The following GRIN2C variants were observed in gnomAD, a reference collection of about 807,000 sequenced individuals.
GRIN2C encodes the protein glutamate receptor ionotropic, NMDA 2C.
In GRIN2C, 64 loss-of-function variants were observed where a neutral mutation model predicts 77.7. The ratio of observed to expected loss-of-function variants is 0.82; its 90% CI spans 0.67 to 1.01. GRIN2C has a LOEUF of 1.01. Among genes scored for constraint, GRIN2C ranks in the 50% least tolerant of loss-of-function variants. GRIN2C has a pLI of 0.00. For synonymous variants in GRIN2C, 792 were observed against 643.4 expected (o/e 1.23, Z -3.49); for missense variants, 1,549 against 1,486.0 (o/e 1.04, Z -0.70).
Position 74,859,057 on chromosome 17 carries a change from C to T in GRIN2C, c.-16+687G>A, listed in dbSNP as rs1035346100. 3.3e-5 allele frequency among the ~76,000 whole-genome samples: 5 copies of T among 152,128 alleles called. No homozygotes were observed. Among genetic ancestry groups the T allele is most frequent in the African/African-American group, 1.2e-4 (5 of 41,430 alleles). On this transcript the variant is annotated intron_variant, in intron 1 of 12. Coordinates refer to ENST00000293190, the MANE Select transcript of GRIN2C (RefSeq NM_000835.6). The surrounding 1 kb of genome is among the most constrained non-coding windows in gnomAD (Gnocchi z 5.9). ...GGGGAGCTCTGTGTAGTGGTCCCCT[C>T]CACCCCTCCATTCTGCCCTGCGGCA...
rs1434062378 is a variant in GRIN2C, at chr17:74,859,674, GCGGA to G, written c.-16+66_-16+69del. On this transcript the variant is annotated intron_variant, in intron 1 of 12. Coordinates refer to ENST00000293190, the MANE Select transcript of GRIN2C (RefSeq NM_000835.6). The surrounding 1 kb of genome is among the most constrained non-coding windows in gnomAD (Gnocchi z 5.9). ...CTCCAAGGCTACGGCCCCCGTCTCC[GCGGA>G]CCCCGCCCGGACTCCCCCTGGCCAC... 6.6e-6 allele frequency: 1 copy of G among 152,176 alleles called. No homozygotes were observed. Among genetic ancestry groups the G allele is most frequent in the Admixed American group, 6.5e-5 (1 of 15,276 alleles). The allele number at this position is 152,176 out of a possible 1,614,324, so 9.4% of individuals were successfully genotyped here. A position where few individuals can be genotyped will look rare whatever the true frequency, so the allele number is the denominator to read the frequency against.
In GRIN2C at chr17:74,846,129, T is replaced by C. The variant is rs750029742; in HGVS notation, c.2287A>G (p.Met763Val). 2 of 1,614,202 alleles carry C rather than the reference T, an allele frequency of 1.2e-6. No homozygotes were observed. The highest frequency in any genetic ancestry group is 2.2e-5 in the South Asian group (2 of 91,082). Residue 763 changes from methionine to valine, a missense_variant, in exon 11 of 13, where the codon ATG becomes GTG. Physicochemically the swap from Met to Val is conservative, Grantham distance 21. Transcript: ENST00000293190. This position sits in a 1 kb window ranked among gnomAD's most constrained non-coding sequence, Gnocchi z 4.4. ...VFATTGYGIA[M>V]QKDSHWKRAI... ...CGCTTCCAGTGGGAGTCCTTCTGCA[T>C]GGCGATGCCGTAGCCAGTGGTAGCA...
In GRIN2C at chr17:74,851,597, G is replaced by A. The variant is rs756143433; in HGVS notation, c.1093C>T (p.Arg365Trp). Residue 365 changes from arginine to tryptophan, a missense_variant, in exon 4 of 13, where the codon CGG (arginine) becomes TGG (tryptophan). By Grantham distance (101) the Arg-to-Trp change is moderately radical. Coordinates refer to ENST00000293190, the MANE Select transcript of GRIN2C (RefSeq NM_000835.6). Reference sequence around the variant, plus strand: ...CTCACCATCTCCCAGAGGCGGTGCCGGTTGAGGGCGATCACCACCATGGTG... The same window carrying A: ...CTCACCATCTCCCAGAGGCGGTGCCAGTTGAGGGCGATCACCACCATGGTG... ...QPTMVVIALN[R>W]HRLWEMVGRW... is the part of the protein sequence containing the mutation. The A allele has an allele frequency of 1.1e-5, 17 of 1,559,596 alleles. No individual in the cohort carries two copies. Among genetic ancestry groups the A allele is most frequent in the Admixed American group, 7.6e-5 (4 of 52,514 alleles).
In GRIN2C at chr17:74,842,557, G is replaced by A; in HGVS notation, c.3580C>T (p.Leu1194=). Residue 1194 remains leucine, a synonymous_variant, in exon 13 of 13, where the codon CTG becomes TTG. Transcript: ENST00000293190. ...CCACTGTCTCTGTAGCCTGTGCCCA[G>A]CCCCAGAGTCCTGCCCCTGTGCCCC... ...PLGHRGRTLG[L]GTGYRDSGGL... is the part of the protein sequence containing the mutation. 3 of 774,464 alleles carry A rather than the reference G, an allele frequency of 3.9e-6. No homozygotes were observed. The highest frequency in any genetic ancestry group is 7.2e-6 in the Non-Finnish European group (3 of 417,130). 48.0% of individuals were successfully genotyped at this position (774,464 alleles called of 1,614,324 possible). A position where few individuals can be genotyped will look rare whatever the true frequency, so the allele number is the denominator to read the frequency against.
rs2037565596 is a variant in GRIN2C, at chr17:74,849,530, C to T, written c.1645+250G>A. On this transcript the variant is annotated intron_variant, in intron 7 of 12. Coordinates refer to ENST00000293190, the MANE Select transcript of GRIN2C (RefSeq NM_000835.6). This position sits in a 1 kb window ranked among gnomAD's most constrained non-coding sequence, Gnocchi z 4.6. ...GCCTGCCTGCTGGATTTTCCTGCCA[C>T]TCACAGTGGCACCACGACCCATCCC... Among the ~76,000 whole-genome samples, 1 of 152,228 alleles carries T rather than the reference C, an allele frequency of 6.6e-6. No homozygotes were observed. Among genetic ancestry groups the T allele is most frequent in the African/African-American group, 2.4e-5 (1 of 41,458 alleles).
chr17:74,843,520 G>C lies in GRIN2C; in HGVS notation c.2617C>G (p.Leu873Val). 1 of 1,533,414 alleles carries C rather than the reference G, an allele frequency of 6.5e-7. No individual in the cohort carries two copies. The highest frequency in any genetic ancestry group is 8.7e-7 in the Non-Finnish European group (1 of 1,146,464). 95.0% of individuals were successfully genotyped at this position (1,533,414 alleles called of 1,614,324 possible). Residue 873 changes from leucine (L) to valine (V), a missense_variant, in exon 13 of 13, where the codon CTC becomes GTC. Coordinates refer to ENST00000293190, the MANE Select transcript of GRIN2C (RefSeq NM_000835.6). ...IYSCFSGVQSLASPPRQASPD... is the reference protein window; with the variant it reads ...IYSCFSGVQSVASPPRQASPD... ...CTGGCCTGCCGCGGTGGGCTGGCGA[G>C]GCTCTGCACCCCGCTGAAGCAGCTG... is the stretch of plus-strand genomic sequence containing the variant.
At chr17:74,855,686 C>G (rs1280092084) in intron 1 of GRIN2C, among the ~76,000 whole-genome samples, 1 of 152,192 alleles carries the variant, frequency 6.6e-6, no homozygotes, top group African/African-American at 2.4e-5. Flanking sequence ...TTGCATCACC[C>G]CCAACCCCCA....
At chr17:74,855,226 C>T (rs2037788065) in intron 1 of GRIN2C, 119 bp from the exon 2 acceptor site, 2 of 760,000 alleles carry the variant, frequency 2.6e-6, no homozygotes, top group African/African-American at 1.7e-5. Flanking sequence ...AGGGGAAAAC[C>T]TCCCTCCCCG....
Position 74,844,411 on chromosome 17 carries a change from T to A in GRIN2C, c.2448A>T (p.Ala816=). The A allele has an allele frequency of 6.2e-7, 1 of 1,614,238 alleles. No homozygotes were observed. Among genetic ancestry groups the A allele is most frequent in the Non-Finnish European group, 8.5e-7 (1 of 1,180,040 alleles). ...MSSKLDIDNM[A]GVFYMLLVAM... ...CCACCAGCAGCATGTAGAAGACGCC[T>A]GCCATGTTGTCGATGTCCAGCTTGC... Residue 816 remains alanine (A), a synonymous_variant, in exon 12 of 13, where the codon GCA becomes GCT. Coordinates refer to ENST00000293190, the MANE Select transcript of GRIN2C (RefSeq NM_000835.6).
intron 1 of GRIN2C, 92 bp from the exon 2 acceptor site, chr17:74,855,199 G>A (rs769367138): frequency 2.8e-5 from 29 of 1,047,906 alleles, no homozygotes; most frequent in East Asian, 1.5e-4. Flanking sequence ...ACACACATAC[G>A]GAAGATGAAA....
Position 74,843,003 on chromosome 17 carries a change from A to G in GRIN2C, c.3134T>C (p.Leu1045Pro). Reference sequence around the variant, plus strand: ...CGGCAGGTCCTCCAGCTCCGGGAAGAGCGGGAGGAAGGGGCGGCCGGATCG... The same window carrying G: ...CGGCAGGTCCTCCAGCTCCGGGAAGGGCGGGAGGAAGGGGCGGCCGGATCG... ...ADRSGRPFLP[L>P]FPELEDLPLL... The change falls in exon 13 of 13, where the codon CTC becomes CCC. Residue 1045 changes from leucine (L) to proline (P), a missense_variant. Leu to Pro is a moderately conservative substitution (Grantham distance 98). Around this residue, in one of 3 missense-constraint regions of GRIN2C, gnomAD observed 450 missense variants for 267.9 expected, o/e 1.68. Transcript: ENST00000293190. The G allele has an allele frequency of 7.1e-6, 2 of 282,052 alleles. No homozygotes were observed. Among genetic ancestry groups the G allele is most frequent in the Non-Finnish European group, 6.4e-6 (1 of 156,546 alleles). 17.5% of individuals were successfully genotyped at this position (282,052 alleles called of 1,614,324 possible).
intron 12 of GRIN2C, 132 bp from the exon 13 acceptor site, chr17:74,843,685 T>C: frequency 8.2e-7 from 1 of 1,223,138 alleles, no homozygotes; most frequent in Non-Finnish European, 1.1e-6. Context: ...GTGAAGCATC[T>C]CCCATGCGCC....
At chr17:74,860,707 G>A (rs2037931277), upstream of GRIN2C, 1 of 352,344 alleles carries the variant, frequency 2.8e-6, no homozygotes, top group South Asian at 2.1e-5. Flanking sequence ...AAGCCCGGGA[G>A]CCGGGCACGG....
chr17:74,857,894 T>G (rs2037858954), intron 1 of GRIN2C, among the ~76,000 whole-genome samples: 1 of 152,194 alleles, frequency 6.6e-6, no homozygotes, highest in Non-Finnish European at 1.5e-5. Flanking sequence ...GATTACATGT[T>G]GAAATAATAA....
rs1275612260 is a variant in GRIN2C at position 74,846,113 on chromosome 17, T to C, written c.2303A>G (p.His768Arg). Residue 768 changes from histidine (H) to arginine (R), a missense_variant, in exon 11 of 13, where the codon CAC (histidine) becomes CGC (arginine). His to Arg is a conservative substitution (Grantham distance 29). Coordinates refer to ENST00000293190, the MANE Select transcript of GRIN2C (RefSeq NM_000835.6). The surrounding 1 kb of genome is among the most constrained non-coding windows in gnomAD (Gnocchi z 4.4). ...GYGIAMQKDS[H>R]WKRAIDLALL... ...CGCCAGGTCTATGGCCCGCTTCCAG[T>C]GGGAGTCCTTCTGCATGGCGATGCC... is the stretch of plus-strand genomic sequence containing the variant. 6.2e-7 allele frequency: 1 copy of C among 1,614,150 alleles called. No individual in the cohort carries two copies. Among genetic ancestry groups the C allele is most frequent in the Non-Finnish European group, 8.5e-7 (1 of 1,180,006 alleles).
Position 74,846,216 on chromosome 17 carries a change from T to C in GRIN2C, c.2200A>G (p.Asn734Asp). 1 of 1,614,122 alleles carries C rather than the reference T, an allele frequency of 6.2e-7. No homozygotes were observed. Among genetic ancestry groups the C allele is most frequent in the Non-Finnish European group, 8.5e-7 (1 of 1,179,996 alleles). Residue 734 changes from asparagine (N) to aspartate (D), a missense_variant, in exon 11 of 13, where the codon AAC (asparagine) becomes GAC (aspartate). This residue lies in a region of GRIN2C where 717 missense variants were observed against 858.1 expected (regional missense o/e 0.84). Coordinates refer to ENST00000293190, the MANE Select transcript of GRIN2C (RefSeq NM_000835.6). The surrounding 1 kb of genome is among the most constrained non-coding windows in gnomAD (Gnocchi z 4.4). ...CCCTCGTCCTTGCCTGCCATGTAGT[T>C]GAGGACAGCAGCATCATAGATGAAG... ...DAFIYDAAVL[N>D]YMAGKDEGCK...
At chr17:74,861,477 C>T (rs1032141797), upstream of GRIN2C, 3 of 151,966 alleles carry the variant, frequency 2.0e-5, no homozygotes, top group African/African-American at 7.2e-5. Flanking sequence ...CCGGCCGCCT[C>T]CCTCGCGGTG....
upstream of GRIN2C, among the ~76,000 whole-genome samples, chr17:74,860,232 G>T (rs369088503): frequency 6.6e-6 from 1 of 152,210 alleles, no homozygotes; most frequent in Non-Finnish European, 1.5e-5. Context: ...AGACCTGGAC[G>T]GGCTCTGAAA....
chr17:74,855,087 A>C lies in GRIN2C; in HGVS notation c.6T>G (p.Gly2=). The C allele has an allele frequency of 6.3e-7, 1 of 1,582,800 alleles. No homozygotes were observed. Residue 2 remains glycine (G), a synonymous_variant, in exon 2 of 13, where the codon GGT becomes GGG. Coordinates refer to ENST00000293190, the MANE Select transcript of GRIN2C (RefSeq NM_000835.6). M[G]GALGPALLLT... ...GCAACAGGGCCGGCCCCAGGGCCCC[A>C]CCCATGTCCACCGGAGGGTCCTGCG... is the stretch of plus-strand genomic sequence containing the variant.
Sources: gnomAD v4.1 joint callset for allele counts (sites outside exome capture counted in the v4.1 genomes callset) on GRCh38, gnomAD v4.1.1 for gene constraint, gnomAD v4.1.1 regional missense constraint, Gnocchi (gnomAD v3.1) non-coding constraint, MANE v1.5 for transcripts, NCBI Gene and HGNC (gene_info 2026-07-23, HGNC 2026-07-21) for gene names.